Variants in MARK3 observed in about 807,000 individuals in gnomAD.
MARK3 encodes microtubule affinity regulating kinase 3, also known as MAP/microtubule affinity-regulating kinase 3.
In MARK3, 46 loss-of-function variants were observed where a neutral mutation model predicts 90.1. The ratio of observed to expected loss-of-function variants is 0.51; its 90% CI spans 0.40 to 0.65. The LOEUF (loss-of-function observed/expected upper bound fraction) is 0.65, where lower values mean the gene tolerates loss of function less well. Among genes scored for constraint, MARK3 ranks in the 30% least tolerant of loss-of-function variants. The pLI is 0.00. For missense variants in MARK3, 818 were observed against 947.2 expected, an observed-to-expected ratio of 0.86 and a Z score of 1.79; for synonymous variants, 321 against 332.6, an observed-to-expected ratio of 0.97 and a Z score of 0.38.
chr14:103,400,618 C>T (rs2090893191), intron 1 of MARK3, among the ~76,000 whole-genome samples: 1 of 151,978 alleles, frequency 6.6e-6, no homozygotes, highest in African/African-American at 2.4e-5. Flanking sequence ...TAAAGTAGTC[C>T]AGGTATGGTG....
chr14:103,391,799 C>A (rs2090270846), intron 1 of MARK3, among the ~76,000 whole-genome samples: 1 of 148,354 alleles, frequency 6.7e-6, no homozygotes, highest in Non-Finnish European at 1.5e-5. Context: ...CTCAGGTGAT[C>A]CGCCCGCCTT....
At chr14:103,499,994 C>A in intron 16 of MARK3, 162 bp from the exon 17 acceptor site, 1 of 658,786 alleles carries the variant, frequency 1.5e-6, no homozygotes, top group South Asian at 1.7e-5. Flanking sequence ...CTGGCTCAGT[C>A]AAATGAGAGG....
chr14:103,385,898 G>A lies in MARK3; in HGVS notation c.-132G>A, dbSNP rs919295891. ...AGGCCCGGGATCTAGACGGCCGTAGGGGGAAGGGAGCCGCCCTCCCCACGG... is the reference window on the plus strand; with the variant it reads ...AGGCCCGGGATCTAGACGGCCGTAGAGGGAAGGGAGCCGCCCTCCCCACGG... On this transcript the variant is annotated 5_prime_UTR_variant, in exon 1 of 18. Transcript: ENST00000429436. The A allele has an allele frequency of 4.2e-6, 3 of 718,088 alleles. No homozygotes were observed. Among genetic ancestry groups the A allele is most frequent in the Non-Finnish European group, 7.5e-6 (3 of 397,638 alleles). The allele number at this position is 718,088 out of a possible 1,614,324, so 44.5% of individuals were successfully genotyped here.
intron 14 of MARK3, chr14:103,491,297 G>A (rs1003826006): frequency 8.0e-5 from 19 of 236,862 alleles, no homozygotes; most frequent in East Asian, 3.8e-4. Context: ...GTGCCTTCGC[G>A]TACTACAAAA....
At chr14:103,500,735 A>G (rs993624039) in intron 17 of MARK3, among the ~76,000 whole-genome samples, 4 of 150,892 alleles carry the variant, frequency 2.7e-5, no homozygotes, top group Admixed American at 1.3e-4. Flanking sequence ...CGATCCTCCC[A>G]CCTCAGCCTC....
chr14:103,490,914 T>G, intron 14 of MARK3: 1 of 1,236,136 alleles, frequency 8.1e-7, no homozygotes, highest in South Asian at 1.3e-5. Flanking sequence ...TCCTTCATAC[T>G]GTGTTTCTGC....
chr14:103,438,331 T>C (rs142521754), intron 3 of MARK3, among the ~76,000 whole-genome samples: 4 of 152,304 alleles, frequency 2.6e-5, no homozygotes, highest in African/African-American at 9.6e-5. Flanking sequence ...ATCTATCTTA[T>C]AGGTAAGTAG....
intron 3 of MARK3, among the ~76,000 whole-genome samples, chr14:103,441,855 A>G (rs1450765486): frequency 6.6e-6 from 1 of 152,108 alleles, no homozygotes; most frequent in Non-Finnish European, 1.5e-5. Context: ...AACAATTGCC[A>G]TTTGAAAAGC....
intron 2 of MARK3, among the ~76,000 whole-genome samples, chr14:103,423,761 A>G (rs896679971): frequency 7.2e-5 from 11 of 152,222 alleles, no homozygotes; most frequent in African/African-American, 2.7e-4. Flanking sequence ...TACACATGTC[A>G]CATCAAATGA....
intron 3 of MARK3, among the ~76,000 whole-genome samples, chr14:103,443,261 T>A (rs1391378467): frequency 6.6e-6 from 1 of 152,342 alleles, no homozygotes; most frequent in East Asian, 1.9e-4. Context: ...TTGAATTCTT[T>A]GAGATCTACT....
intron 15 of MARK3, among the ~76,000 whole-genome samples, chr14:103,494,107 G>T (rs527719999): frequency 1.3e-5 from 2 of 151,792 alleles, no homozygotes; most frequent in Non-Finnish European, 2.9e-5. Flanking sequence ...GGTGGCGCTC[G>T]CCTGTAGTCC....
chr14:103,422,465 C>T (rs1343934384), intron 2 of MARK3, among the ~76,000 whole-genome samples: 1 of 152,084 alleles, frequency 6.6e-6, no homozygotes, highest in African/African-American at 2.4e-5. Flanking sequence ...AAAAACAAAA[C>T]AAAAAGAAAC....
Position 103,448,962 on chromosome 14 carries a change from A to G in MARK3, c.341A>G (p.Asn114Ser), listed in dbSNP as rs1372475515. ...VRIMKILNHP[N>S]IVKLFEVIET... ...ATAATGAAGATTTTAAATCATCCCA[A>G]TATAGGTACTTTCTGCTTTTTTAAA... Residue 114 changes from asparagine (N) to serine (S), a missense_variant, in exon 4 of 18, where the codon AAT (asparagine) becomes AGT (serine). Asn to Ser is a conservative substitution (Grantham distance 46). Transcript: ENST00000429436. The G allele has an allele frequency of 6.4e-7, 1 of 1,568,516 alleles. No homozygotes were observed. The highest frequency in any genetic ancestry group is 8.7e-7 in the Non-Finnish European group (1 of 1,153,458).
intron 2 of MARK3, among the ~76,000 whole-genome samples, chr14:103,408,168 G>A (rs895243098): frequency 1.3e-5 from 2 of 152,082 alleles, no homozygotes; most frequent in African/African-American, 2.4e-5. Context: ...CTAAATGAAT[G>A]CAATAATACT....
At chr14:103,462,588 CCT>C (rs1181683553) in intron 7 of MARK3, 127 bp downstream of exon 7, 1 of 526,342 alleles carries the variant, frequency 1.9e-6, no homozygotes, top group African/African-American at 1.9e-5. Context: ...ATAATTGAAT[CCT>C]CTTAATCAAG....
chr14:103,478,835 A>G (rs1189448017), intron 13 of MARK3, among the ~76,000 whole-genome samples: 1 of 151,990 alleles, frequency 6.6e-6, no homozygotes, highest in Non-Finnish European at 1.5e-5. Context: ...CACTGTGCCC[A>G]GCCTGCAGCA....
chr14:103,453,531 G>A (rs1396005759), intron 5 of MARK3, among the ~76,000 whole-genome samples: 3 of 152,172 alleles, frequency 2.0e-5, no homozygotes, highest in African/African-American at 7.2e-5. Flanking sequence ...GTTGTAGTAA[G>A]CATACCTTTG....
In MARK3 at chr14:103,431,976, T is replaced by TCCC. The variant is rs113381571; in HGVS notation, c.297+3540_297+3542dup. ...ACTTTATTCCATACTTGGAATTGTT[T>TCCC]CCCCCCTCCCACCTGAATTTGTTTG... is the stretch of plus-strand genomic sequence containing the variant. On this transcript the variant is annotated intron_variant, in intron 3 of 17. Coordinates refer to ENST00000429436, the MANE Select transcript of MARK3 (RefSeq NM_001128918.3). Among the ~76,000 whole-genome samples the TCCC allele has an allele frequency of 7.6e-4, 112 of 147,698 alleles. 4 individuals carry two copies. The East Asian group carries it at 0.019, about 25-fold the overall frequency.
rs551985036 is a variant in MARK3 at position 103,453,196 on chromosome 14, T to C, written c.412+1213T>C. Reference sequence around the variant, plus strand: ...TTTATAATGATTTGTATTTTATGGTTGAGATTGGGCTGGGTTTGTAGTTTG... The same window carrying C: ...TTTATAATGATTTGTATTTTATGGTCGAGATTGGGCTGGGTTTGTAGTTTG... On this transcript the variant is annotated intron_variant, in intron 5 of 17. Transcript: ENST00000429436. Among the ~76,000 whole-genome samples the C allele has an allele frequency of 3.9e-5, 6 of 152,290 alleles. No individual in the cohort carries two copies. In the South Asian group the frequency reaches 1.2e-3, roughly 32 times the overall value.
Sources: allele counts gnomAD v4.1 joint callset (sites outside exome capture counted in the v4.1 genomes callset), GRCh38; gene constraint gnomAD v4.1.1; transcripts MANE v1.5; gene names NCBI Gene and HGNC (gene_info 2026-07-23, HGNC 2026-07-21).